The following DPH6 variants were observed in gnomAD, a reference collection of about 807,000 sequenced individuals.
DPH6 encodes diphthamine biosynthesis 6.
In DPH6, 33 loss-of-function variants were observed where a neutral mutation model predicts 38.2. The observed-to-expected ratio is 0.86, with a 90% CI of 0.65 to 1.15. DPH6 has a LOEUF of 1.15. Ranked by LOEUF, DPH6 falls within the 50% of genes most tolerant of loss-of-function variation. The probability of loss-of-function intolerance (pLI) is 0.00; values close to 1 mark genes in which losing one functional copy is unlikely to be tolerated. For missense variants in DPH6, 325 were observed against 320.0 expected, an observed-to-expected ratio of 1.02 and a Z score of -0.12; for synonymous variants, 108 against 103.0, an observed-to-expected ratio of 1.05 and a Z score of -0.30.
At chr15:35,273,501 T>G (rs1407693215) in intron 3 of DPH6, among the ~76,000 whole-genome samples, 3 of 152,204 alleles carry the variant, frequency 2.0e-5, no homozygotes, top group African/African-American at 7.2e-5. Flanking sequence ...AAAACCCAAT[T>G]ATCTCAGCCC....
At chr15:35,178,190 A>G in the DPH6 span, among the ~76,000 whole-genome samples, 4 of 152,234 alleles carry the variant, frequency 2.6e-5, no homozygotes, top group African/African-American at 7.2e-5. Context: ...CTTTTATTCC[A>G]CAAATAATTC....
chr15:35,251,422 G>C (rs567548349), intron 3 of DPH6, among the ~76,000 whole-genome samples: 1 of 152,092 alleles, frequency 6.6e-6, no homozygotes, highest in South Asian at 2.1e-4. Context: ...TCCAACCCCA[G>C]CTGTCAAGCT....
rs73376771 is a variant in DPH6, at chr15:35,365,727, G to A, written n.207+7794C>T. On this transcript the variant is annotated intron_variant and non_coding_transcript_variant, in intron 3 of 3. Coordinates refer to the DPH6 transcript ENST00000558973. ...ACAAATGATATCATCACGGTATGGC[G>A]TTGCTACTACCAAAGTCCATTTACT... is the stretch of plus-strand genomic sequence containing the variant. 7.0e-3 allele frequency: 6,553 copies of A among 941,792 alleles called. 346 individuals are homozygous for A. In the African/African-American group the frequency reaches 0.11, roughly 15 times the overall value. The allele number at this position is 941,792 out of a possible 1,614,324, so 58.3% of individuals were successfully genotyped here. A position where few individuals can be genotyped will look rare whatever the true frequency, so the allele number is the denominator to read the frequency against.
intron 5 of DPH6, among the ~76,000 whole-genome samples, chr15:35,426,884 C>G (rs1215875500): frequency 6.7e-6 from 1 of 149,700 alleles, no homozygotes; most frequent in Non-Finnish European, 1.5e-5. Context: ...AAAAAACAAC[C>G]TTGAAACAAT....
intron 3 of DPH6, chr15:35,519,354 A>T (rs2054889804): frequency 6.6e-6 from 1 of 151,978 alleles, no homozygotes; most frequent in Admixed American, 6.6e-5. Flanking sequence ...TTAAATAGAA[A>T]AAACAAGTAC....
At chr15:35,455,860 T>G (rs764650276) in intron 3 of DPH6, among the ~76,000 whole-genome samples, 3 of 152,156 alleles carry the variant, frequency 2.0e-5, no homozygotes, top group Non-Finnish European at 2.9e-5. Flanking sequence ...CTTACCAAAC[T>G]TGGACAACTA....
downstream of DPH6, among the ~76,000 whole-genome samples, chr15:35,213,928 C>T (rs564818120): frequency 9.2e-5 from 14 of 152,198 alleles, no homozygotes; most frequent in East Asian, 5.8e-4. Context: ...CTGGCTAACA[C>T]GGTGAAACCC....
intron 3 of DPH6, among the ~76,000 whole-genome samples, chr15:35,302,899 T>A (rs1302395837): frequency 6.6e-6 from 1 of 152,036 alleles, no homozygotes; most frequent in East Asian, 1.9e-4. Flanking sequence ...TGTGGAAACA[T>A]ATTGATTAGA....
chr15:35,190,579 T>C, the DPH6 span, among the ~76,000 whole-genome samples: 4,359 of 152,322 alleles, frequency 0.029, 288 homozygotes, highest in East Asian at 0.3. Context: ...ACAGTGATGT[T>C]ATCCCCAAGA....
intron 3 of DPH6, chr15:35,237,886 G>A (rs2140398200): frequency 4.8e-6 from 7 of 1,450,222 alleles, no homozygotes; most frequent in Non-Finnish European, 6.8e-6. Flanking sequence ...AGGTAGTGGA[G>A]GACGAGGAGG....
At chr15:35,448,830 A>G (rs9806188) in intron 5 of DPH6, among the ~76,000 whole-genome samples, 4,824 of 152,200 alleles carry the variant, frequency 0.032, 248 homozygotes, top group African/African-American at 0.11. Context: ...ATTGATGCCT[A>G]TAAGACATAA....
At chr15:35,356,162 G>A (rs893056221) in intron 3 of DPH6, among the ~76,000 whole-genome samples, 1 of 152,100 alleles carries the variant, frequency 6.6e-6, no homozygotes, top group African/African-American at 2.4e-5. Context: ...CTCTGCATTG[G>A]TTATTCTAGT....
At chr15:35,526,279 T>C (rs1456551733) in intron 3 of DPH6, among the ~76,000 whole-genome samples, 2 of 152,148 alleles carry the variant, frequency 1.3e-5, no homozygotes, top group Non-Finnish European at 2.9e-5. Context: ...ACCAATCTTA[T>C]AGTAGGGAGT....
chr15:35,469,429 G>A (rs1452321688), intron 3 of DPH6, among the ~76,000 whole-genome samples: 2 of 152,090 alleles, frequency 1.3e-5, no homozygotes. Context: ...TTAAAAGCAA[G>A]GAACCCTAAA....
chr15:35,317,162 G>C (rs957976789), intron 3 of DPH6, among the ~76,000 whole-genome samples: 18 of 152,204 alleles, frequency 1.2e-4, no homozygotes, highest in African/African-American at 3.9e-4. Flanking sequence ...GGGAGGCTGA[G>C]ACAGGAGGAT....
intron 8 of DPH6, 183 bp from the exon 9 acceptor site, chr15:35,372,386 G>A (rs899182823): frequency 9.4e-6 from 4 of 423,434 alleles, no homozygotes; most frequent in Admixed American, 4.5e-5. Context: ...CCAAAACAAC[G>A]AGGTGAACAG....
rs542701312 is a variant in DPH6 at position 35,521,147 on chromosome 15, G to T, written c.312+17127C>A. On this transcript the variant is annotated intron_variant, in intron 3 of 8. Coordinates refer to ENST00000256538, the MANE Select transcript of DPH6 (RefSeq NM_080650.4). ...TAAAGTGGCTAGTACTGACTCTGAG[G>T]CTTTACTTTTTAACTGAAATGCTAC... is the stretch of plus-strand genomic sequence containing the variant. 1.3e-5 allele frequency: 13 copies of T among 985,176 alleles called. No individual in the cohort carries two copies. In the East Asian group the frequency reaches 7.9e-4, roughly 60 times the overall value. The allele number at this position is 985,176 out of a possible 1,614,324, so 61.0% of individuals were successfully genotyped here.
chr15:35,196,947 C>G, the DPH6 span, among the ~76,000 whole-genome samples: 1 of 152,094 alleles, frequency 6.6e-6, no homozygotes, highest in Non-Finnish European at 1.5e-5. Flanking sequence ...TATTTTCATG[C>G]TTTTAATTTT....
rs532066921 is a variant in DPH6 at position 35,467,169 on chromosome 15, T to C, written c.313-12349A>G. ...TTGTAATAACACTTGGATTAAAACA[T>C]AAATAAATTGTACAAAATATTTTCT... On this transcript the variant is annotated intron_variant, in intron 3 of 8. Coordinates refer to ENST00000256538, the MANE Select transcript of DPH6 (RefSeq NM_080650.4). Among the ~76,000 whole-genome samples, 219 of 152,224 alleles carry C rather than the reference T, an allele frequency of 1.4e-3. 1 individual carries two copies. Among genetic ancestry groups the C allele is most frequent in the Middle Eastern group, 3.2e-3 (1 of 314 alleles).
Sources: gnomAD v4.1 joint callset for allele counts (sites outside exome capture counted in the v4.1 genomes callset) on GRCh38, gnomAD v4.1.1 for gene constraint, MANE v1.5 for transcripts, NCBI Gene and HGNC (gene_info 2026-07-23, HGNC 2026-07-21) for gene names.